Variants in SPON1 observed in about 807,000 individuals in gnomAD.
The protein encoded by SPON1 is spondin 1, also known as spondin-1.
SPON1 carries 52 observed loss-of-function variants against 111.7 expected under a neutral mutation model. The ratio of observed to expected loss-of-function variants is 0.47; its 90% CI spans 0.37 to 0.59. SPON1 has a LOEUF of 0.59. SPON1 is among the 20% of genes least tolerant of loss of function. The probability of loss-of-function intolerance (pLI) is 0.00; values close to 1 mark genes in which losing one functional copy is unlikely to be tolerated. For missense variants in SPON1, 957 were observed against 1,068.5 expected (o/e 0.90, Z 1.46); for synonymous variants, 410 against 395.8 (o/e 1.04, Z -0.43).
rs1234713053 is a variant in SPON1 at position 14,057,843 on chromosome 11, A to C, written c.479+16189A>C. On this transcript the variant is annotated intron_variant, in intron 3 of 15. Transcript: ENST00000576479. ...GACCTTGTCTCTACAAAAAAAAAAA[A>C]CAAAACAAAAACTTAAAAATAAAAT... Among the ~76,000 whole-genome samples the C allele has an allele frequency of 1.8e-5, 2 of 112,446 alleles. 1 individual carries two copies. The highest frequency in any genetic ancestry group is 4.3e-5 in the Non-Finnish European group (2 of 46,334). 73.8% of individuals were successfully genotyped at this position (112,446 alleles called of 152,430 possible). A position where few individuals can be genotyped will look rare whatever the true frequency, so the allele number is the denominator to read the frequency against.
intron 3 of SPON1, among the ~76,000 whole-genome samples, chr11:14,063,864 A>G (rs1848810472): frequency 6.6e-6 from 1 of 152,292 alleles, no homozygotes; most frequent in South Asian, 2.1e-4. Context: ...CATCAGCCAA[A>G]CTGCCTAGCT....
At chr11:14,182,975 A>G (rs560957662) in intron 6 of SPON1, among the ~76,000 whole-genome samples, 2 of 152,356 alleles carry the variant, frequency 1.3e-5, no homozygotes, top group Admixed American at 1.3e-4. Flanking sequence ...AGAAGAATAT[A>G]ACAAAATAAA....
chr11:14,078,311 G>C (rs1848934186), intron 4 of SPON1, among the ~76,000 whole-genome samples: 1 of 152,098 alleles, frequency 6.6e-6, no homozygotes, highest in Admixed American at 6.5e-5. Context: ...ATATCCGAAA[G>C]CCCTTTTGAT....
At position 14,030,967 on chromosome 11, in the gene SPON1, A is replaced by G. The variant is rs1919312; in HGVS notation, c.346-10554A>G. On this transcript the variant is annotated intron_variant, in intron 2 of 15. Coordinates refer to ENST00000576479, the MANE Select transcript of SPON1 (RefSeq NM_006108.4). ...CATGGCATCAACTTAGGTGTTTGTC[A>G]GTGGTGAACTGGATAAAGAAAATGT... 4.6e-5 allele frequency among the ~76,000 whole-genome samples: 7 copies of G among 152,232 alleles called. No homozygotes were observed. The East Asian group carries it at 1.4e-3, about 29-fold the overall frequency.
At chr11:14,123,933 A>G (rs1847425905) in intron 5 of SPON1, among the ~76,000 whole-genome samples, 1 of 152,200 alleles carries the variant, frequency 6.6e-6, no homozygotes, top group Non-Finnish European at 1.5e-5. Flanking sequence ...GGTGCTTAAT[A>G]TATTTTGCCC....
chr11:14,040,982 A>G (rs1163280261), intron 2 of SPON1, among the ~76,000 whole-genome samples: 4 of 152,158 alleles, frequency 2.6e-5, no homozygotes, highest in Non-Finnish European at 5.9e-5. Flanking sequence ...GGAAACTTTG[A>G]TGGTTAATTT....
intron 6 of SPON1, among the ~76,000 whole-genome samples, chr11:14,158,662 A>G (rs1422773060): frequency 6.6e-6 from 1 of 152,156 alleles, no homozygotes; most frequent in Non-Finnish European, 1.5e-5. Flanking sequence ...TCTCTCCAGG[A>G]TCTTGGCCTT....
intron 2 of SPON1, among the ~76,000 whole-genome samples, chr11:14,020,171 G>A (rs900814108): frequency 2.0e-5 from 3 of 152,122 alleles, no homozygotes; most frequent in Non-Finnish European, 4.4e-5. Flanking sequence ...TTAGAGAAGA[G>A]GACAAGAGGA....
chr11:14,057,857 T>G (rs1848758757), intron 3 of SPON1, among the ~76,000 whole-genome samples: 1 of 89,868 alleles, frequency 1.1e-5, no homozygotes, highest in African/African-American at 3.5e-5. Flanking sequence ...AACAAAAACT[T>G]AAAAATAAAA....
chr11:14,024,090 A>T (rs1554915041), intron 2 of SPON1, among the ~76,000 whole-genome samples: 1 of 152,016 alleles, frequency 6.6e-6, no homozygotes. Context: ...TGGCTGCTTC[A>T]GTGCCCTAGT....
chr11:14,192,490 A>C (rs1308554557), intron 6 of SPON1, among the ~76,000 whole-genome samples: 4 of 136,062 alleles, frequency 2.9e-5, no homozygotes, highest in Non-Finnish European at 6.6e-5. Flanking sequence ...GAGAAGTAGA[A>C]AAAGGATTTC....
chr11:14,226,418 A>G (rs1848739560), intron 6 of SPON1, among the ~76,000 whole-genome samples: 1 of 152,250 alleles, frequency 6.6e-6, no homozygotes, highest in South Asian at 2.1e-4. Context: ...CTGGCAACAC[A>G]GTACACTGTA....
chr11:14,265,379 T>G, intron 15 of SPON1, 145 bp from the exon 16 acceptor site: 1 of 929,540 alleles, frequency 1.1e-6, no homozygotes, highest in Non-Finnish European at 1.5e-6. Context: ...ACGACCTAAC[T>G]GTCCCTAATA....
chr11:14,128,716 T>A (rs1454626391), intron 5 of SPON1, among the ~76,000 whole-genome samples: 2 of 152,236 alleles, frequency 1.3e-5, no homozygotes, highest in Non-Finnish European at 2.9e-5. Flanking sequence ...TGCATGGCCC[T>A]ACTAGAGGTT....
chr11:14,123,777 A>G (rs1407675323), intron 5 of SPON1, among the ~76,000 whole-genome samples: 1 of 152,178 alleles, frequency 6.6e-6, no homozygotes, highest in Non-Finnish European at 1.5e-5. Flanking sequence ...ACAGTTTACC[A>G]TGGTCAGTTC....
At chr11:13,993,409 C>T (rs574139818) in intron 2 of SPON1, among the ~76,000 whole-genome samples, 1 of 152,088 alleles carries the variant, frequency 6.6e-6, no homozygotes, top group East Asian at 1.9e-4. Context: ...CTCAGGGACT[C>T]AATTGCCTGT....
Position 14,095,445 on chromosome 11 carries a change from T to TAGATAGAC in SPON1, c.676+15429_676+15430insGACAGATA, listed in dbSNP as rs782753239. ...ATAGATAGATAGATAGATAGATAGA[T>TAGATAGAC]AGATAATACATTTTTTTTTGAGGAA... On this transcript the variant is annotated intron_variant, in intron 5 of 15. Coordinates refer to ENST00000576479, the MANE Select transcript of SPON1 (RefSeq NM_006108.4). 6.2e-3 allele frequency among the ~76,000 whole-genome samples: 914 copies of TAGATAGAC among 147,492 alleles called. 36 individuals carry two copies. The highest frequency in any genetic ancestry group is 0.014 in the Middle Eastern group (4 of 284).
chr11:14,126,427 G>C (rs753573525), intron 5 of SPON1, among the ~76,000 whole-genome samples: 18 of 152,318 alleles, frequency 1.2e-4, no homozygotes, highest in Non-Finnish European at 7.4e-5. Flanking sequence ...TGTTAGGAAA[G>C]AGGTTACTAC....
intron 5 of SPON1, among the ~76,000 whole-genome samples, chr11:14,129,923 A>G (rs566836327): frequency 1.3e-5 from 2 of 151,822 alleles, no homozygotes; most frequent in Non-Finnish European, 2.9e-5. Context: ...TCAAACCATC[A>G]GATCTCATGA....
Sources: gnomAD v4.1 joint callset for allele counts (sites outside exome capture counted in the v4.1 genomes callset) on GRCh38, gnomAD v4.1.1 for gene constraint, MANE v1.5 for transcripts, NCBI Gene and HGNC (gene_info 2026-07-23, HGNC 2026-07-21) for gene names.